MAP4: variants seen among roughly 807,000 people sequenced by gnomAD.
MAP4 encodes the protein microtubule associated protein 4, also known as microtubule-associated protein 4.
In MAP4, 76 loss-of-function variants were observed where a neutral mutation model predicts 170.2. The observed-to-expected ratio is 0.45, with a 90% CI of 0.37 to 0.54. The LOEUF (loss-of-function observed/expected upper bound fraction) is 0.54. Among genes scored for constraint, MAP4 ranks in the 20% least tolerant of loss-of-function variants. The pLI is 0.00. For synonymous variants in MAP4, 909 were observed against 994.5 expected, an observed-to-expected ratio of 0.91 and a Z score of 1.62; for missense variants, 2,506 against 2,748.0, an observed-to-expected ratio of 0.91 and a Z score of 1.97.
chr3:48,079,980 G>A (rs148675210), intron 1 of MAP4, among the ~76,000 whole-genome samples: 1,530 of 152,022 alleles, frequency 0.01, 10 homozygotes, highest in Non-Finnish European at 0.016. Flanking sequence ...AAATAAATTT[G>A]TTGTAACTTT....
intron 3 of MAP4, among the ~76,000 whole-genome samples, chr3:47,949,838 G>C (rs2100062525): frequency 6.6e-6 from 1 of 152,120 alleles, no homozygotes; most frequent in Non-Finnish European, 1.5e-5. Flanking sequence ...GTGGCCTCAT[G>C]TGATGCGTGG....
At position 47,909,184 on chromosome 3, in the gene MAP4, G is replaced by C. The variant is rs76642401; in HGVS notation, c.5237C>G (p.Pro1746Arg). Residue 1746 changes from proline (P) to arginine (R), a missense_variant, in exon 9 of 21, where the codon CCA (proline) becomes CGA (arginine). Pro to Arg is a moderately radical substitution (Grantham distance 103, BLOSUM62 -2). This residue lies in a region of MAP4 where 2,008 missense variants were observed against 2,206.0 expected (regional missense o/e 0.91). Coordinates refer to ENST00000683076, the MANE Select transcript of MAP4 (RefSeq NM_001385682.1). ...TTTATCTTCCTTTTTCCCTTCTCCT[G>C]GTGTCTTTGATTCAGATTTTTCTGT... is the stretch of plus-strand genomic sequence containing the variant. ...KMTEKSESKTPGEGKKEDKSR... is the reference protein window; with the variant it reads ...KMTEKSESKTRGEGKKEDKSR... 1.8e-3 allele frequency: 2,862 copies of C among 1,613,728 alleles called. 40 individuals are homozygous for C. The African/African-American group carries it at 0.033, about 18-fold the overall frequency.
In MAP4 at chr3:47,912,142, T is replaced by A; in HGVS notation, c.2279A>T (p.Asp760Val). The A allele has an allele frequency of 6.5e-7, 1 of 1,536,178 alleles. No individual in the cohort carries two copies. Among genetic ancestry groups the A allele is most frequent in the Non-Finnish European group, 8.7e-7 (1 of 1,146,912 alleles). Residue 760 changes from aspartate (D) to valine (V), a missense_variant, in exon 9 of 21, where the codon GAT (aspartate) becomes GTT (valine). Asp to Val is a radical substitution (Grantham distance 152). This residue lies in a region of MAP4 where 2,008 missense variants were observed against 2,206.0 expected (regional missense o/e 0.91). Coordinates refer to ENST00000683076, the MANE Select transcript of MAP4 (RefSeq NM_001385682.1). Reference sequence around the variant, plus strand: ...CATCATTATTGGTGTGCTTTCTATATCCCAGGCCTCCCTGCCAAGATCCCT... The same window carrying A: ...CATCATTATTGGTGTGCTTTCTATAACCCAGGCCTCCCTGCCAAGATCCCT... ...PQRDLGREAWDIESTPIMMKK... is the reference protein window; with the variant it reads ...PQRDLGREAWVIESTPIMMKK...
chr3:48,061,645 G>C (rs2100135370), intron 1 of MAP4, among the ~76,000 whole-genome samples: 2 of 145,784 alleles, frequency 1.4e-5, no homozygotes, highest in East Asian at 2.0e-4. Flanking sequence ...GTCTCTGCCT[G>C]GCCGCCCATC....
chr3:48,032,050 A>T (rs1241696534), intron 1 of MAP4, among the ~76,000 whole-genome samples: 1 of 152,144 alleles, frequency 6.6e-6, no homozygotes, highest in African/African-American at 2.4e-5. Flanking sequence ...ACAACTCCCA[A>T]CTGAAGGACA....
chr3:48,044,131 A>C (rs1314465919), intron 1 of MAP4, among the ~76,000 whole-genome samples: 1 of 151,166 alleles, frequency 6.6e-6, no homozygotes, highest in Admixed American at 6.6e-5. Flanking sequence ...GGCGTGAGCC[A>C]CTGCACCCAG....
At chr3:48,034,732 G>A (rs1158967526) in intron 1 of MAP4, among the ~76,000 whole-genome samples, 1 of 151,834 alleles carries the variant, frequency 6.6e-6, no homozygotes, top group Non-Finnish European at 1.5e-5. Context: ...TTTCACTTAG[G>A]CCAGGTGCAG....
chr3:47,859,985 G>A (rs931779014), intron 17 of MAP4, among the ~76,000 whole-genome samples: 10 of 152,166 alleles, frequency 6.6e-5, no homozygotes, highest in Non-Finnish European at 1.5e-4. Context: ...AGGGAGACAT[G>A]AAGACCTCAT....
At chr3:47,877,559 A>C in intron 10 of MAP4, 36 bp from the exon 11 acceptor site, 1 of 1,433,328 alleles carries the variant, frequency 7.0e-7, no homozygotes, top group Non-Finnish European at 9.7e-7. Context: ...TATGCTAAGC[A>C]AACATTTTAC....
chr3:48,062,513 A>AAC (rs2100136279), intron 1 of MAP4, among the ~76,000 whole-genome samples: 1 of 150,516 alleles, frequency 6.6e-6, no homozygotes, highest in East Asian at 1.9e-4. Flanking sequence ...AAAAAAAAAA[A>AAC]AAAACATCAC....
At chr3:47,986,797 T>G (rs953829946) in intron 2 of MAP4, among the ~76,000 whole-genome samples, 1 of 152,224 alleles carries the variant, frequency 6.6e-6, no homozygotes, top group Non-Finnish European at 1.5e-5. Flanking sequence ...TCACACTAAT[T>G]TTTTATGCAT....
chr3:47,869,245 A>G lies in MAP4; in HGVS notation c.6377T>C (p.Ile2126Thr), dbSNP rs2086354542. 6.2e-7 allele frequency: 1 copy of G among 1,613,886 alleles called. No homozygotes were observed. Among genetic ancestry groups the G allele is most frequent in the Non-Finnish European group, 8.5e-7 (1 of 1,179,788 alleles). The stretch of plus-strand genomic sequence containing the variant: ...CGCAGGTTGTTTCTGTGCACTTGCA[A>G]TTGGGCCGGCTGTTTTAGTGACTGC... The part of the protein sequence containing the change: ...SNAVTKTAGP[I>T]ASAQKQPAGK... Residue 2126 changes from isoleucine to threonine, a missense_variant, in exon 16 of 21, where the codon ATT becomes ACT. Physicochemically the swap from Ile to Thr is moderately conservative, Grantham distance 89. This residue lies in a region of MAP4 where 487 missense variants were observed against 511.6 expected (regional missense o/e 0.95). Transcript: ENST00000683076.
chr3:47,916,516 A>G lies in MAP4; in HGVS notation c.1311T>C (p.Ala437=), dbSNP rs200436355. 63 of 1,613,852 alleles carry G rather than the reference A, an allele frequency of 3.9e-5. No individual in the cohort carries two copies. In the African/African-American group the frequency reaches 6.1e-4, roughly 16 times the overall value. The change falls in exon 7 of 21, where the codon GCT becomes GCC. Residue 437 remains alanine, a synonymous_variant. Transcript: ENST00000683076. ...STEISSAEKV[A]LSSETEVALA... is the part of the protein sequence containing the mutation. ...GGGCTACCTCTGTTTCTGAGGACAA[A>G]GCCACCTTCTCAGCAGAGGATATTT... is the stretch of plus-strand genomic sequence containing the variant.
At chr3:48,025,025 T>C (rs1352944169) in intron 1 of MAP4, among the ~76,000 whole-genome samples, 1 of 152,126 alleles carries the variant, frequency 6.6e-6, no homozygotes, top group African/African-American at 2.4e-5. Context: ...TGACCATGAC[T>C]TACTGCAGCC....
intron 1 of MAP4, among the ~76,000 whole-genome samples, chr3:48,056,681 C>T (rs1306247625): frequency 2.6e-5 from 3 of 116,052 alleles, no homozygotes; most frequent in Admixed American, 7.6e-5. Context: ...GTCAGCCCTC[C>T]GCCCGGCCAG....
chr3:48,016,981 G>T (rs1559798700), upstream of MAP4, among the ~76,000 whole-genome samples: 1 of 151,728 alleles, frequency 6.6e-6, no homozygotes. Flanking sequence ...GTTTCATCAT[G>T]TTGGCCAGAC....
chr3:47,973,872 G>A (rs1249310032), intron 3 of MAP4: 1 of 984,906 alleles, frequency 1.0e-6, no homozygotes. Context: ...ATTCTCTATG[G>A]CAAGAGAGTT....
At chr3:47,955,421 A>C (rs1395700075) in intron 3 of MAP4, among the ~76,000 whole-genome samples, 1 of 143,664 alleles carries the variant, frequency 7.0e-6, no homozygotes, top group Non-Finnish European at 1.5e-5. Flanking sequence ...CAAAAAAATA[A>C]ATAAATAAGC....
At chr3:48,040,354 C>T (rs548665262) in intron 1 of MAP4, among the ~76,000 whole-genome samples, 2 of 151,802 alleles carry the variant, frequency 1.3e-5, no homozygotes, top group South Asian at 2.1e-4. Flanking sequence ...CTGCAAGCTC[C>T]GCCTCCTGGG....
Sources: gnomAD v4.1 joint callset for allele counts (sites outside exome capture counted in the v4.1 genomes callset) on GRCh38, gnomAD v4.1.1 for gene constraint, gnomAD v4.1.1 regional missense constraint, MANE v1.5 for transcripts, NCBI Gene and HGNC (gene_info 2026-07-23, HGNC 2026-07-21) for gene names.